The following PTPRN2 variants were observed in gnomAD, a reference collection of about 807,000 sequenced individuals.
The protein encoded by PTPRN2 is receptor-type tyrosine-protein phosphatase N2.
Under a neutral mutation model 118.8 loss-of-function variants are expected in PTPRN2, and 74 were observed. The ratio of observed to expected loss-of-function variants is 0.62; its 90% confidence interval spans 0.52 to 0.76. The LOEUF is 0.76. PTPRN2 is among the 30% of genes least tolerant of loss of function. The pLI is 0.00. For synonymous variants in PTPRN2, 641 were observed against 608.0 expected, an observed-to-expected ratio of 1.05 and a Z score of -0.80; for missense variants, 1,481 against 1,394.4, an observed-to-expected ratio of 1.06 and a Z score of -0.99.
chr7:158,119,650 ACTT>A (rs1349205977), intron 9 of PTPRN2, among the ~76,000 whole-genome samples: 1 of 151,722 alleles, frequency 6.6e-6, no homozygotes, highest in African/African-American at 2.4e-5. Context: ...TATTTACACA[ACTT>A]CTATTACAGT....
intron 3 of PTPRN2, among the ~76,000 whole-genome samples, chr7:158,229,383 T>C (rs1272485853): frequency 2.0e-5 from 3 of 151,998 alleles, no homozygotes; most frequent in African/African-American, 7.2e-5. Context: ...ACCATGGCCT[T>C]CTCAAATGGA....
chr7:158,070,931 CCTG>C (rs1811329053), intron 11 of PTPRN2, among the ~76,000 whole-genome samples: 11 of 105,638 alleles, frequency 1.0e-4, no homozygotes, highest in Non-Finnish European at 1.3e-4. Context: ...TGGAGGTGCT[CCTG>C]GTGGTGGAGG....
chr7:157,752,116 C>T (rs1449901617), intron 12 of PTPRN2, among the ~76,000 whole-genome samples: 2 of 152,230 alleles, frequency 1.3e-5, no homozygotes, highest in Non-Finnish European at 2.9e-5. Flanking sequence ...CTCCTCCACA[C>T]GCACTCACGA....
intron 10 of PTPRN2, among the ~76,000 whole-genome samples, chr7:158,100,113 G>A (rs776061384): frequency 1.3e-5 from 2 of 151,758 alleles, no homozygotes; most frequent in Non-Finnish European, 2.9e-5. Flanking sequence ...TCCCACTTAT[G>A]AGTGAGAACA....
chr7:157,618,007 A>G lies in PTPRN2; in HGVS notation c.2344+3355T>C, dbSNP rs573330485. 5.2e-5 allele frequency: 8 copies of G among 152,386 alleles called. 1 individual carries two copies. In the South Asian group the frequency reaches 1.7e-3, roughly 32 times the overall value. 9.4% of individuals were successfully genotyped at this position (152,386 alleles called of 1,614,324 possible). A position where few individuals can be genotyped will look rare whatever the true frequency, so the allele number is the denominator to read the frequency against. On this transcript the variant is annotated intron_variant, in intron 15 of 22. Transcript: ENST00000389418. The surrounding 1 kb of genome is among the most constrained non-coding windows in gnomAD (Gnocchi z 4.2). ...ATAATTCTTTTTTAAACATTCAAAA[A>G]ACAGAAAATGCATGTTAAGTTCTTT...
Position 157,845,371 on chromosome 7 carries a change from G to A in PTPRN2, c.1788+53302C>T, listed in dbSNP as rs1031803500. On this transcript the variant is annotated intron_variant, in intron 12 of 22. Coordinates refer to ENST00000389418, the MANE Select transcript of PTPRN2 (RefSeq NM_002847.5). This position sits in a 1 kb window ranked among gnomAD's most constrained non-coding sequence, Gnocchi z 4.5. The stretch of plus-strand genomic sequence containing the variant: ...ACGCAGCCTAACTCACCATGTTCCC[G>A]GCCACGCCACAGTGAATCACGCAGC... Among the ~76,000 whole-genome samples the A allele has an allele frequency of 1.1e-4, 16 of 151,826 alleles. No homozygotes were observed. The highest frequency in any genetic ancestry group is 2.1e-4 in the South Asian group (1 of 4,816).
At chr7:157,918,570 C>T (rs1044089563) in intron 11 of PTPRN2, among the ~76,000 whole-genome samples, 5 of 152,124 alleles carry the variant, frequency 3.3e-5, no homozygotes, top group South Asian at 2.1e-4. Context: ...TCGAAAACAA[C>T]GCCGTCCAGA....
intron 2 of PTPRN2, among the ~76,000 whole-genome samples, chr7:158,342,973 G>T (rs955692884): frequency 6.6e-6 from 1 of 152,224 alleles, no homozygotes; most frequent in African/African-American, 2.4e-5. Flanking sequence ...ACATGCCGAT[G>T]ACCAGCTCTG....
intron 12 of PTPRN2, among the ~76,000 whole-genome samples, chr7:157,817,030 G>A (rs918724196): frequency 3.3e-5 from 5 of 152,196 alleles, no homozygotes; most frequent in Non-Finnish European, 7.3e-5. Flanking sequence ...CTGACACCCC[G>A]GAGGCCGATG....
At chr7:158,351,245 G>A (rs1807908368) in intron 2 of PTPRN2, among the ~76,000 whole-genome samples, 1 of 152,108 alleles carries the variant, frequency 6.6e-6, no homozygotes. Flanking sequence ...TCAGAAGGAG[G>A]GTCCAGGAGG....
At position 157,763,704 on chromosome 7, in the gene PTPRN2, G is replaced by C. The variant is rs190911725; in HGVS notation, c.1789-80767C>G. On this transcript the variant is annotated intron_variant, in intron 12 of 22. Coordinates refer to ENST00000389418, the MANE Select transcript of PTPRN2 (RefSeq NM_002847.5). The surrounding 1 kb of genome is among the most constrained non-coding windows in gnomAD (Gnocchi z 4.9). Reference sequence around the variant, plus strand: ...ATTAATTCCTCCCTTGGATGCTGAGGGCTGGTGGCTGGTCCTCTCTTCGCA... The same window carrying C: ...ATTAATTCCTCCCTTGGATGCTGAGCGCTGGTGGCTGGTCCTCTCTTCGCA... 2.5e-4 allele frequency among the ~76,000 whole-genome samples: 38 copies of C among 152,126 alleles called. 2 individuals carry two copies. The East Asian group carries it at 6.8e-3, about 27-fold the overall frequency.
At chr7:157,907,762 C>G (rs1330812162) in intron 11 of PTPRN2, among the ~76,000 whole-genome samples, 3 of 152,030 alleles carry the variant, frequency 2.0e-5, no homozygotes, top group Non-Finnish European at 4.4e-5. Flanking sequence ...GGCTGGGCCT[C>G]AGGCTTCTCT....
chr7:158,467,058 C>A (rs1563327787), intron 2 of PTPRN2, among the ~76,000 whole-genome samples: 3 of 152,206 alleles, frequency 2.0e-5, no homozygotes, highest in Non-Finnish European at 2.9e-5. Flanking sequence ...CTTTTCTCTA[C>A]ACACTTGCCA....
intron 12 of PTPRN2, among the ~76,000 whole-genome samples, chr7:157,816,389 C>T (rs964776043): frequency 2.6e-5 from 4 of 152,210 alleles, no homozygotes; most frequent in Non-Finnish European, 1.5e-5. Flanking sequence ...CTCCCCTCCA[C>T]GAGCTCTAGG....
At chr7:158,380,959 C>T (rs1810925824) in intron 2 of PTPRN2, among the ~76,000 whole-genome samples, 1 of 152,256 alleles carries the variant, frequency 6.6e-6, no homozygotes, top group African/African-American at 2.4e-5. Flanking sequence ...TCCACATTGA[C>T]TCATTTCAGC....
chr7:158,202,678 G>A (rs1031324056), intron 4 of PTPRN2, among the ~76,000 whole-genome samples: 7 of 152,308 alleles, frequency 4.6e-5, no homozygotes, highest in African/African-American at 1.7e-4. Context: ...TGTGGGCAGG[G>A]ATAATTGCTC....
At chr7:158,043,857 C>A (rs1193614683) in intron 11 of PTPRN2, among the ~76,000 whole-genome samples, 1 of 152,222 alleles carries the variant, frequency 6.6e-6, no homozygotes, top group Non-Finnish European at 1.5e-5. Flanking sequence ...GACCATCCTG[C>A]ACAGTTGGCT....
At position 157,550,098 on chromosome 7, in the gene PTPRN2, C is replaced by T. The variant is rs190969427; in HGVS notation, c.2903-1079G>A. On this transcript the variant is annotated intron_variant, in intron 21 of 22. Coordinates refer to ENST00000389418, the MANE Select transcript of PTPRN2 (RefSeq NM_002847.5). This position sits in a 1 kb window ranked among gnomAD's most constrained non-coding sequence, Gnocchi z 5.2. ...GCCCAGAGTCAGGTGGTCCCCAGGC[C>T]TTTCTCTCCGGCCGCAACCTGAGTG... Among the ~76,000 whole-genome samples, 30 of 152,352 alleles carry T rather than the reference C, an allele frequency of 2.0e-4. No homozygotes were observed. The highest frequency in any genetic ancestry group is 7.2e-4 in the African/African-American group (30 of 41,588).
At chr7:158,109,750 A>T (rs1274415577) in intron 10 of PTPRN2, among the ~76,000 whole-genome samples, 2 of 151,718 alleles carry the variant, frequency 1.3e-5, no homozygotes, top group African/African-American at 4.9e-5. Context: ...TGAGTGAATG[A>T]TATCACCCCT....
Sources: gnomAD v4.1 joint callset for allele counts (sites outside exome capture counted in the v4.1 genomes callset) on GRCh38, gnomAD v4.1.1 for gene constraint, Gnocchi (gnomAD v3.1) non-coding constraint, MANE v1.5 for transcripts, NCBI Gene and HGNC (gene_info 2026-07-23, HGNC 2026-07-21) for gene names.